CFAP92: variants seen among roughly 807,000 people sequenced by gnomAD.
CFAP92 encodes cilia and flagella associated protein 92 (putative).
Under a neutral mutation model 106.3 loss-of-function variants are expected in CFAP92, and 86 were observed. That is an observed-to-expected ratio of 0.81 (90% CI 0.68 to 0.97). CFAP92 has a LOEUF of 0.97. CFAP92 is among the 50% of genes least tolerant of loss of function. CFAP92 has a pLI of 0.00. For synonymous variants in CFAP92, 477 were observed against 506.4 expected, an observed-to-expected ratio of 0.94 and a Z score of 0.78; for missense variants, 1,204 against 1,283.8, an observed-to-expected ratio of 0.94 and a Z score of 0.95.
At chr3:128,965,183 G>A (rs1231764963) in intron 9 of CFAP92, among the ~76,000 whole-genome samples, 1 of 152,126 alleles carries the variant, frequency 6.6e-6, no homozygotes, top group Admixed American at 6.5e-5. Flanking sequence ...CCACTCTTGA[G>A]AATGTACTTT....
the CFAP92 span, among the ~76,000 whole-genome samples, chr3:129,026,079 C>T: frequency 6.6e-6 from 1 of 152,252 alleles, no homozygotes; most frequent in African/African-American, 2.4e-5. Context: ...GAGATAATGA[C>T]CTTACCTGTT....
chr3:128,990,099 T>C (rs1944120870), intron 2 of CFAP92, among the ~76,000 whole-genome samples: 1 of 152,178 alleles, frequency 6.6e-6, no homozygotes, highest in South Asian at 2.1e-4. Context: ...AGAAAAACAT[T>C]TGAAACAACT....
rs755452537 is a variant in CFAP92 at position 128,988,775 on chromosome 3, A to G, written c.406T>C (p.Leu136=). 5 of 1,614,020 alleles carry G rather than the reference A, an allele frequency of 3.1e-6. No homozygotes were observed. The highest frequency in any genetic ancestry group is 4.2e-6 in the Non-Finnish European group (5 of 1,179,884). ...DDEEPKKVDI[L]LFPMVAKVFL... ...ACTTTGGCCACCATTGGAAATAGCA[A>G]TATGTCAACTTTTTTAGGTTCTTCA... Residue 136 remains leucine (L), a synonymous_variant, in exon 3 of 16, where the codon TTG becomes CTG. Coordinates refer to ENST00000645291, the MANE Select transcript of CFAP92 (RefSeq NM_001394090.1).
intron 12 of CFAP92, among the ~76,000 whole-genome samples, chr3:128,917,343 C>T (rs899118328): frequency 1.3e-5 from 2 of 152,306 alleles, no homozygotes; most frequent in South Asian, 4.1e-4. Flanking sequence ...TCGTGAATTA[C>T]AACCTAGGGG....
chr3:128,956,184 T>TAA (rs369899266), intron 9 of CFAP92, among the ~76,000 whole-genome samples: 3 of 49,282 alleles, frequency 6.1e-5, no homozygotes, highest in African/African-American at 2.0e-4. Flanking sequence ...AAAAATAAAT[T>TAA]AAAAAAAAAA....
Position 128,940,898 on chromosome 3 carries a change from C to T in CFAP92, c.2258+4173G>A, listed in dbSNP as rs535661485. Among the ~76,000 whole-genome samples, 3 of 152,012 alleles carry T rather than the reference C, an allele frequency of 2.0e-5. No individual in the cohort carries two copies. The South Asian group carries it at 6.2e-4, about 32-fold the overall frequency. ...TTTGATGAAAAAAAAAAGTATGAAC[C>T]TTTATTAACATGCGGAAGTTTAAAA... On this transcript the variant is annotated intron_variant, in intron 10 of 15. Transcript: ENST00000645291.
At chr3:128,951,294 G>C (rs765515567) in intron 9 of CFAP92, among the ~76,000 whole-genome samples, 42 of 151,850 alleles carry the variant, frequency 2.8e-4, no homozygotes, top group Non-Finnish European at 4.3e-4. Flanking sequence ...GTCCCAAAAA[G>C]AAAGGGGGAA....
At chr3:128,957,764 T>G (rs1941555223) in intron 9 of CFAP92, among the ~76,000 whole-genome samples, 1 of 152,172 alleles carries the variant, frequency 6.6e-6, no homozygotes, top group South Asian at 2.1e-4. Context: ...AAGGCCAGTC[T>G]CAAAAGGTCA....
At chr3:128,910,641 C>G in intron 15 of CFAP92, 1 of 1,321,810 alleles carries the variant, frequency 7.6e-7, no homozygotes, top group East Asian at 2.3e-5. Flanking sequence ...CTTGTGACCC[C>G]TGCCATGCTA....
upstream of CFAP92, chr3:129,003,368 C>T (rs950884066): frequency 2.9e-5 from 24 of 827,220 alleles, no homozygotes; most frequent in Admixed American, 6.2e-5. Flanking sequence ...AGAAACCACC[C>T]TCAAAAGCCT....
intron 12 of CFAP92, among the ~76,000 whole-genome samples, chr3:128,925,359 AGGT>A (rs1314144828): frequency 1.3e-5 from 2 of 152,208 alleles, no homozygotes; most frequent in East Asian, 3.8e-4. Context: ...GGTGGAGCTC[AGGT>A]GGTAATGCTC....
chr3:128,909,969 T>G lies in CFAP92; in HGVS notation c.*330A>C. ...AGATGCAGCCCAGGGAGGGACCATG[T>G]GGGGGACTGGTCTAGGTAGTGAGTC... On this transcript the variant is annotated 3_prime_UTR_variant, in exon 16 of 16. Coordinates refer to ENST00000645291, the MANE Select transcript of CFAP92 (RefSeq NM_001394090.1). The G allele has an allele frequency of 6.2e-7, 1 of 1,604,952 alleles. No individual in the cohort carries two copies. Among genetic ancestry groups the G allele is most frequent in the South Asian group, 1.1e-5 (1 of 88,912 alleles).
rs1159497953 is a variant in CFAP92, at chr3:128,993,115, T to G, written c.190A>C (p.Thr64Pro). The G allele has an allele frequency of 1.2e-6, 2 of 1,614,078 alleles. No homozygotes were observed. The highest frequency in any genetic ancestry group is 3.3e-5 in the Admixed American group (2 of 60,034). The change falls in exon 2 of 16, where the codon ACT becomes CCT. Residue 64 changes from threonine (T) to proline (P), a missense_variant. Transcript: ENST00000645291. ...ACGTGGGGCACGTCGGAGCTGAAAG[T>G]GCTGGCAGGCTCAGATGAGGACTCG... Reference protein sequence around the residue: ...SIESSSEPASTFSSDVPHVVP... With the variant: ...SIESSSEPASPFSSDVPHVVP...
intron 7 of CFAP92, among the ~76,000 whole-genome samples, chr3:128,971,806 T>A (rs1475173700): frequency 6.6e-6 from 1 of 152,084 alleles, no homozygotes; most frequent in Non-Finnish European, 1.5e-5. Flanking sequence ...ACCCTGCTCT[T>A]AAACAAACAA....
intron 4 of CFAP92, among the ~76,000 whole-genome samples, chr3:128,986,987 C>G (rs1943894738): frequency 6.6e-6 from 1 of 152,164 alleles, no homozygotes; most frequent in Non-Finnish European, 1.5e-5. Context: ...ATGGCGAAAC[C>G]CCGTCTCTAC....
chr3:129,017,847 A>G, the CFAP92 span, among the ~76,000 whole-genome samples: 12 of 152,200 alleles, frequency 7.9e-5, no homozygotes, highest in African/African-American at 2.6e-4. Flanking sequence ...TTGGGGGCCC[A>G]TTCCTAGACA....
rs1207668068 is a variant in CFAP92, at chr3:128,910,163, A to T, written c.*136T>A. 6.2e-7 allele frequency: 1 copy of T among 1,613,836 alleles called. No individual in the cohort carries two copies. On this transcript the variant is annotated 3_prime_UTR_variant, in exon 16 of 16. Coordinates refer to ENST00000645291, the MANE Select transcript of CFAP92 (RefSeq NM_001394090.1). ...CACGACCACGAGGTGAGCCCAGCCCAGCCTCACACAGGGCCTGGCTGCTGC... is the reference window on the plus strand; with the variant it reads ...CACGACCACGAGGTGAGCCCAGCCCTGCCTCACACAGGGCCTGGCTGCTGC...
chr3:128,910,387 C>G (rs1241450166), intron 15 of CFAP92, 54 bp from the exon 16 acceptor site: 3 of 1,443,216 alleles, frequency 2.1e-6, no homozygotes, highest in Non-Finnish European at 2.7e-6. Flanking sequence ...GCCCCTACCC[C>G]CAGCAAGGGA....
intron 8 of CFAP92, chr3:128,966,894 A>T (rs913606941): frequency 1.3e-5 from 2 of 152,214 alleles, no homozygotes; most frequent in Non-Finnish European, 2.9e-5. Context: ...TATAAAAGGT[A>T]TCCATGTATT....
Sources: allele counts gnomAD v4.1 joint callset (sites outside exome capture counted in the v4.1 genomes callset), GRCh38; gene constraint gnomAD v4.1.1; transcripts MANE v1.5; gene names NCBI Gene and HGNC (gene_info 2026-07-23, HGNC 2026-07-21).